Variants in CA5A observed in about 807,000 individuals in gnomAD.
CA5A encodes carbonic anhydrase 5A.
In CA5A, 28 loss-of-function variants were observed where a neutral mutation model predicts 37.1. The observed-to-expected ratio is 0.75, with a 90% confidence interval of 0.56 to 1.03. CA5A has a LOEUF of 1.03. Among genes scored for constraint, CA5A ranks in the 50% least tolerant of loss-of-function variants. The pLI, the probability that CA5A is intolerant of heterozygous loss-of-function variation, is 0.00. For synonymous variants in CA5A, 171 were observed against 158.4 expected, an observed-to-expected ratio of 1.08 and a Z score of -0.60; for missense variants, 444 against 399.9, an observed-to-expected ratio of 1.11 and a Z score of -0.94.
In CA5A at chr16:87,891,806, G is replaced by A. The variant is rs576725386; in HGVS notation, c.767C>T (p.Pro256Leu). 1 of 1,527,758 alleles carries A rather than the reference G, an allele frequency of 6.5e-7. No individual in the cohort carries two copies. The highest frequency in any genetic ancestry group is 1.4e-5 in the African/African-American group (1 of 70,136). 94.6% of individuals were successfully genotyped at this position (1,527,758 alleles called of 1,614,324 possible). A position where few individuals can be genotyped will look rare whatever the true frequency, so the allele number is the denominator to read the frequency against. ...IIQKEPVEVAPSQLSAFRTLL... is the reference protein window; with the variant it reads ...IIQKEPVEVALSQLSAFRTLL... Reference sequence around the variant, plus strand: ...GTTACGGGCACGGCTCACCTGGCTTGGGGCCACTTCAACGGGCTCCTTCTG... The same window carrying A: ...GTTACGGGCACGGCTCACCTGGCTTAGGGCCACTTCAACGGGCTCCTTCTG... Residue 256 changes from proline (P) to leucine (L), a missense_variant, in exon 6 of 7, where the codon CCA becomes CTA. Coordinates refer to ENST00000649794, the MANE Select transcript of CA5A (RefSeq NM_001739.2).
In CA5A at chr16:87,893,007, C is replaced by T. The variant is rs1262955264; in HGVS notation, c.619-1053G>A. 8 of 1,242,248 alleles carry T rather than the reference C, an allele frequency of 6.4e-6. No homozygotes were observed. In the African/African-American group the frequency reaches 7.7e-5, roughly 12 times the overall value. The allele number at this position is 1,242,248 out of a possible 1,614,324, so 77.0% of individuals were successfully genotyped here. On this transcript the variant is annotated intron_variant, in intron 5 of 6. Coordinates refer to ENST00000649794, the MANE Select transcript of CA5A (RefSeq NM_001739.2). ...CAAGAAGGATGTCCACATGCCTAAG[C>T]ACCCGGAGATGGCAGACAAGAATGT...
intron 2 of CA5A, among the ~76,000 whole-genome samples, chr16:87,914,527 G>A (rs2056102557): frequency 6.6e-6 from 1 of 152,198 alleles, no homozygotes. Flanking sequence ...GGGGTGGGAG[G>A]AGGAGGAGGC....
At chr16:87,897,341 TTGCCAAAACTTCTGGCTA>T (rs1288283983) in intron 5 of CA5A, among the ~76,000 whole-genome samples, 1 of 152,258 alleles carries the variant, frequency 6.6e-6, no homozygotes, top group Admixed American at 6.5e-5. Context: ...TGGGCAGTTT[TTGCCAAAACTTCTGGCTA>T]TGGTGAGAGG....
intron 2 of CA5A, among the ~76,000 whole-genome samples, chr16:87,924,689 C>T (rs1370391634): frequency 1.3e-5 from 2 of 152,270 alleles, no homozygotes; most frequent in Non-Finnish European, 2.9e-5. Context: ...ACAGCAGGAG[C>T]TGGGGAAGCC....
At chr16:87,894,571 AT>A (rs1423867552) in intron 5 of CA5A, among the ~76,000 whole-genome samples, 8 of 140,446 alleles carry the variant, frequency 5.7e-5, no homozygotes, top group Admixed American at 5.6e-4. Flanking sequence ...TATCCAGTTA[AT>A]TAAAAAAAAA....
Position 87,936,502 on chromosome 16 carries a change from G to T in CA5A, c.-52C>A. 6.2e-7 allele frequency: 1 copy of T among 1,606,246 alleles called. No homozygotes were observed. Among genetic ancestry groups the T allele is most frequent in the African/African-American group, 1.3e-5 (1 of 74,854 alleles). ...TCTGAAGAGGGTGATGTTCCCTGCT[G>T]TCTGTTCTCACTTTGATCAGGACCA... On this transcript the variant is annotated 5_prime_UTR_variant, in exon 1 of 7. Transcript: ENST00000649794.
intron 4 of CA5A, chr16:87,882,161 C>T (rs187546455): frequency 6.6e-6 from 1 of 152,222 alleles, no homozygotes. Context: ...CAGAGACCAC[C>T]CCCTCCATTG....
intron 1 of CA5A, among the ~76,000 whole-genome samples, chr16:87,928,433 C>T (rs532219142): frequency 2.4e-4 from 36 of 152,274 alleles, no homozygotes; most frequent in African/African-American, 8.7e-4. Context: ...GTGAGGCAGG[C>T]ATCTCCCAAA....
At chr16:87,907,179 A>G (rs1387446352) in intron 2 of CA5A, among the ~76,000 whole-genome samples, 5 of 151,816 alleles carry the variant, frequency 3.3e-5, no homozygotes, top group Non-Finnish European at 5.9e-5. Context: ...GATTGCGCCA[A>G]TGCACTTCAG....
intron 2 of CA5A, among the ~76,000 whole-genome samples, chr16:87,919,670 T>A (rs1319528917): frequency 6.6e-6 from 1 of 152,136 alleles, no homozygotes; most frequent in East Asian, 1.9e-4. Flanking sequence ...CCCTCTTTGC[T>A]TAAGCCACTT....
At chr16:87,915,708 A>AAAAAAAG (rs1567528955) in intron 2 of CA5A, among the ~76,000 whole-genome samples, 3 of 150,172 alleles carry the variant, frequency 2.0e-5, no homozygotes, top group Non-Finnish European at 3.0e-5. Flanking sequence ...AAAAAAAAAA[A>AAAAAAAG]AAAAAAGGAA....
chr16:87,923,139 A>G (rs2056253319), intron 2 of CA5A, among the ~76,000 whole-genome samples: 1 of 152,104 alleles, frequency 6.6e-6, no homozygotes, highest in South Asian at 2.1e-4. Flanking sequence ...AGGGTCCCGC[A>G]ATACTCTCTC....
At chr16:87,892,308 G>C (rs1419150504) in intron 5 of CA5A, 2 of 163,394 alleles carry the variant, frequency 1.2e-5, no homozygotes, top group African/African-American at 4.8e-5. Flanking sequence ...TCAGGAGTTC[G>C]AGACCAGCCT....
At chr16:87,914,414 G>A (rs1466833462) in intron 2 of CA5A, among the ~76,000 whole-genome samples, 2 of 152,238 alleles carry the variant, frequency 1.3e-5, no homozygotes, top group South Asian at 2.1e-4. Context: ...CACTCAGGGG[G>A]TGCTAGCCAC....
chr16:87,927,516 C>G (rs1759607646), intron 1 of CA5A, among the ~76,000 whole-genome samples: 1 of 152,100 alleles, frequency 6.6e-6, no homozygotes, highest in Admixed American at 6.6e-5. Context: ...TTCCTCGAGG[C>G]TCATTTCAAA....
chr16:87,896,796 A>C (rs1387061420), intron 5 of CA5A, among the ~76,000 whole-genome samples: 1 of 152,078 alleles, frequency 6.6e-6, no homozygotes, highest in Non-Finnish European at 1.5e-5. Context: ...ATGCGCCATC[A>C]CGCCTGGCTA....
At chr16:87,912,144 A>C (rs529449681) in intron 2 of CA5A, among the ~76,000 whole-genome samples, 5 of 152,294 alleles carry the variant, frequency 3.3e-5, no homozygotes, top group African/African-American at 1.2e-4. Context: ...TCTACTAAAA[A>C]TACAAAAATT....
chr16:87,935,695 G>A (rs935255460), intron 1 of CA5A, among the ~76,000 whole-genome samples: 8 of 152,258 alleles, frequency 5.3e-5, no homozygotes, highest in Admixed American at 5.2e-4. Flanking sequence ...GGCCAACATG[G>A]TGAAACCCCA....
At chr16:87,920,602 G>A (rs113145448) in intron 2 of CA5A, among the ~76,000 whole-genome samples, 2 of 150,200 alleles carry the variant, frequency 1.3e-5, no homozygotes, top group African/African-American at 4.9e-5. Flanking sequence ...GAGCTACTGC[G>A]CCTGGCCAAT....
Sources: allele counts gnomAD v4.1 joint callset (sites outside exome capture counted in the v4.1 genomes callset), GRCh38; gene constraint gnomAD v4.1.1; transcripts MANE v1.5; gene names NCBI Gene and HGNC (gene_info 2026-07-23, HGNC 2026-07-21).